ADAM2: variants seen among roughly 807,000 people sequenced by gnomAD.
The protein encoded by ADAM2 is ADAM metallopeptidase domain 2.
A neutral mutation model predicts 99.3 loss-of-function variants in ADAM2; 101 were observed. The observed-to-expected ratio is 1.02, with a 90% CI of 0.87 to 1.20. ADAM2 has a LOEUF of 1.20. Ranked by LOEUF, ADAM2 falls within the 50% of genes most tolerant of loss-of-function variation. ADAM2 has a pLI of 0.00. For synonymous variants in ADAM2, 323 were observed against 287.6 expected (o/e 1.12, Z -1.25); for missense variants, 948 against 878.7 (o/e 1.08, Z -1.00).
chr8:39,779,159 G>T (rs1803119474), intron 10 of ADAM2, among the ~76,000 whole-genome samples: 2 of 152,034 alleles, frequency 1.3e-5, no homozygotes. Flanking sequence ...AAGACTTGAT[G>T]GTTTAATCAA....
intron 14 of ADAM2, among the ~76,000 whole-genome samples, chr8:39,765,440 A>T (rs982891335): frequency 1.3e-5 from 2 of 152,238 alleles, no homozygotes; most frequent in African/African-American, 2.4e-5. Flanking sequence ...AATATAAGAG[A>T]CATATATAAA....
In ADAM2 at chr8:39,770,783, G is replaced by T. The variant is rs547047439; in HGVS notation, c.1029-1208C>A. On this transcript the variant is annotated intron_variant, in intron 11 of 20. Coordinates refer to ENST00000265708, the MANE Select transcript of ADAM2 (RefSeq NM_001464.5). ...AGTTGCTCAGGACAGAAACCTTGAGGTTATCTTATATTTCTCACAAACCCC... is the reference window on the plus strand; with the variant it reads ...AGTTGCTCAGGACAGAAACCTTGAGTTTATCTTATATTTCTCACAAACCCC... Among the ~76,000 whole-genome samples, 4 of 152,198 alleles carry T rather than the reference G, an allele frequency of 2.6e-5. No homozygotes were observed. The East Asian group carries it at 7.7e-4, about 29-fold the overall frequency.
chr8:39,805,948 G>C (rs1804418239), intron 7 of ADAM2, among the ~76,000 whole-genome samples: 1 of 152,120 alleles, frequency 6.6e-6, no homozygotes, highest in Non-Finnish European at 1.5e-5. Flanking sequence ...AGTCATGGTA[G>C]TCAGGAATAT....
chr8:39,778,851 C>T (rs181834448), intron 10 of ADAM2, among the ~76,000 whole-genome samples: 6 of 152,056 alleles, frequency 3.9e-5, no homozygotes, highest in Non-Finnish European at 7.4e-5. Flanking sequence ...ATTTTAAACC[C>T]CCTATTTTTG....
intron 4 of ADAM2, among the ~76,000 whole-genome samples, chr8:39,821,997 C>T (rs1001811580): frequency 1.8e-4 from 28 of 152,052 alleles, no homozygotes; most frequent in Non-Finnish European, 7.4e-5. Flanking sequence ...ATTTTTAATT[C>T]CATCAAAATG....
chr8:39,745,564 TA>T (rs1329689063), intron 19 of ADAM2, among the ~76,000 whole-genome samples: 1 of 152,106 alleles, frequency 6.6e-6, no homozygotes, highest in Non-Finnish European at 1.5e-5. Context: ...CATATTCAGA[TA>T]TTTTTATTTT....
At chr8:39,771,813 G>GA (rs1206263017) in intron 11 of ADAM2, among the ~76,000 whole-genome samples, 1 of 151,832 alleles carries the variant, frequency 6.6e-6, no homozygotes, top group South Asian at 2.1e-4. Flanking sequence ...GAACCATATA[G>GA]AAAAAAACTG....
At chr8:39,833,549 A>G (rs1805699183) in intron 3 of ADAM2, among the ~76,000 whole-genome samples, 1 of 152,266 alleles carries the variant, frequency 6.6e-6, no homozygotes, top group African/African-American at 2.4e-5. Context: ...AAGTTTTGAT[A>G]AAGTATGTAA....
intron 11 of ADAM2, among the ~76,000 whole-genome samples, chr8:39,771,241 A>G (rs1004930881): frequency 1.3e-5 from 2 of 152,188 alleles, no homozygotes; most frequent in African/African-American, 2.4e-5. Flanking sequence ...TTCATTTCAC[A>G]TGTCTATACA....
At chr8:39,803,801 A>G (rs1804314962) in intron 7 of ADAM2, among the ~76,000 whole-genome samples, 1 of 152,236 alleles carries the variant, frequency 6.6e-6, no homozygotes, top group Admixed American at 6.5e-5. Flanking sequence ...GTTATAAGTG[A>G]AAGTAAAACA....
At chr8:39,767,515 A>G (rs1318874182) in intron 12 of ADAM2, among the ~76,000 whole-genome samples, 1 of 152,238 alleles carries the variant, frequency 6.6e-6, no homozygotes, top group Non-Finnish European at 1.5e-5. Context: ...GGGGTCCACC[A>G]TAGCCAAGTC....
At chr8:39,749,107 A>C (rs993456571) in intron 18 of ADAM2, among the ~76,000 whole-genome samples, 3 of 152,076 alleles carry the variant, frequency 2.0e-5, no homozygotes, top group African/African-American at 7.2e-5. Flanking sequence ...CTGGGCTCTG[A>C]CTGATATATC....
chr8:39,766,865 G>A lies in ADAM2; in HGVS notation c.1490C>T (p.Thr497Ile). Residue 497 changes from threonine (T) to isoleucine (I), a missense_variant, in exon 14 of 21, where the codon ACA becomes ATA. Physicochemically the swap from Thr to Ile is moderately conservative, Grantham distance 89. Coordinates refer to ENST00000265708, the MANE Select transcript of ADAM2 (RefSeq NM_001464.5). ...GVCMSGDKQC[T>I]DTFGKEVEFG... is the part of the protein sequence containing the mutation. ...ATAAATACCTTTGCCAAATGTGTCTGTACATTGTTTATCCCCACTCATACA... is the reference window on the plus strand; with the variant it reads ...ATAAATACCTTTGCCAAATGTGTCTATACATTGTTTATCCCCACTCATACA... The A allele has an allele frequency of 6.2e-7, 1 of 1,602,526 alleles. No individual in the cohort carries two copies.
At chr8:39,823,303 G>T (rs1346237757) in intron 4 of ADAM2, among the ~76,000 whole-genome samples, 1 of 151,986 alleles carries the variant, frequency 6.6e-6, no homozygotes, top group Non-Finnish European at 1.5e-5. Flanking sequence ...TATGACTTTA[G>T]GAATGGGAAT....
intron 7 of ADAM2, among the ~76,000 whole-genome samples, chr8:39,799,346 T>C (rs373393661): frequency 1.3e-5 from 2 of 152,298 alleles, no homozygotes; most frequent in East Asian, 3.9e-4. Context: ...CATTGTGTGG[T>C]TTTGAGTGAG....
rs535891050 is a variant in ADAM2, at chr8:39,797,859, A to G, written c.571-9119T>C. Reference sequence around the variant, plus strand: ...TCTCTGTTTGCCTATTGTTGGTATAAAGGAATGCTTGTGATTTTTGCACAT... The same window carrying G: ...TCTCTGTTTGCCTATTGTTGGTATAGAGGAATGCTTGTGATTTTTGCACAT... On this transcript the variant is annotated intron_variant, in intron 7 of 20. Transcript: ENST00000265708. 3.3e-5 allele frequency among the ~76,000 whole-genome samples: 5 copies of G among 152,210 alleles called. No homozygotes were observed. The South Asian group carries it at 1.0e-3, about 32-fold the overall frequency.
chr8:39,819,755 C>T (rs557021719), intron 6 of ADAM2, among the ~76,000 whole-genome samples: 1 of 152,210 alleles, frequency 6.6e-6, no homozygotes, highest in Non-Finnish European at 1.5e-5. Flanking sequence ...ATTTACCAAG[C>T]CTTCACAATC....
intron 6 of ADAM2, among the ~76,000 whole-genome samples, chr8:39,809,770 C>T (rs1009579118): frequency 2.0e-5 from 3 of 152,120 alleles, no homozygotes; most frequent in Admixed American, 6.5e-5. Flanking sequence ...CTTACAAGAG[C>T]TCCTGAAGGA....
At chr8:39,789,072 G>T (rs1407283748) in intron 7 of ADAM2, among the ~76,000 whole-genome samples, 1 of 151,370 alleles carries the variant, frequency 6.6e-6, no homozygotes, top group Non-Finnish European at 1.5e-5. Context: ...GTGTGTATAG[G>T]AGACATAGTA....
Sources: allele counts gnomAD v4.1 joint callset (sites outside exome capture counted in the v4.1 genomes callset), GRCh38; gene constraint gnomAD v4.1.1; transcripts MANE v1.5; gene names NCBI Gene and HGNC (gene_info 2026-07-23, HGNC 2026-07-21).